MAST3: variants seen among roughly 807,000 people sequenced by gnomAD.
The protein encoded by MAST3 is microtubule-associated serine/threonine-protein kinase 3.
In MAST3, 43 loss-of-function variants were observed where a neutral mutation model predicts 127.0. The observed-to-expected ratio is 0.34, with a 90% CI of 0.27 to 0.44. The LOEUF (loss-of-function observed/expected upper bound fraction) is 0.44. Ranked by LOEUF, MAST3 falls within the 20% of genes least tolerant of loss-of-function variation. The pLI, the probability that MAST3 is intolerant of heterozygous loss-of-function variation, is 1.00. For synonymous variants in MAST3, 785 were observed against 809.2 expected, an observed-to-expected ratio of 0.97 and a Z score of 0.51; for missense variants, 1,390 against 1,919.1, an observed-to-expected ratio of 0.72 and a Z score of 5.15.
chr19:18,142,136 A>AC, intron 21 of MAST3, 121 bp downstream of exon 21: 1 of 1,118,970 alleles, frequency 8.9e-7, no homozygotes, highest in Non-Finnish European at 1.2e-6. Flanking sequence ...AAACATATTG[A>AC]CCAGCCTATC....
Position 18,112,532 on chromosome 19 carries a change from A to G in MAST3, c.161+1791A>G, listed in dbSNP as rs982299568. On this transcript the variant is annotated intron_variant, in intron 3 of 27. Coordinates refer to ENST00000687212, the MANE Select transcript of MAST3 (RefSeq NM_001393504.1). The surrounding 1 kb of genome is among the most constrained non-coding windows in gnomAD (Gnocchi z 4.1). Reference sequence around the variant, plus strand: ...GTATTTTCAGTAAAGATGGGGTTTCACCATGTTAGCTAGGCTGGTCTCGAG... The same window carrying G: ...GTATTTTCAGTAAAGATGGGGTTTCGCCATGTTAGCTAGGCTGGTCTCGAG... 7.0e-4 allele frequency among the ~76,000 whole-genome samples: 106 copies of G among 152,062 alleles called. 1 individual carries two copies. The highest frequency in any genetic ancestry group is 2.5e-3 in the African/African-American group (104 of 41,406).
At position 18,100,126 on chromosome 19, in the gene MAST3, C is replaced by CTTTTTTTTTTTT. The variant is rs201140700; in HGVS notation, c.39+2296_39+2297insTTTTTTTTTTTT. 2.1e-3 allele frequency among the ~76,000 whole-genome samples: 245 copies of CTTTTTTTTTTTT among 116,928 alleles called. 1 individual carries two copies. Among genetic ancestry groups the CTTTTTTTTTTTT allele is most frequent in the African/African-American group, 6.7e-3 (231 of 34,426 alleles). The allele number at this position is 116,928 out of a possible 152,430, so 76.7% of individuals were successfully genotyped here. ...GAGGCAGAAGGATCTCTCTCTCTCT[C>CTTTTTTTTTTTT]TCTTTTTTTTTTTTTTGAGAAAGAA... On this transcript the variant is annotated intron_variant, in intron 1 of 27. Transcript: ENST00000687212.
intron 21 of MAST3, among the ~76,000 whole-genome samples, chr19:18,143,257 C>A (rs2042702917): frequency 6.6e-6 from 1 of 151,968 alleles, no homozygotes; most frequent in Admixed American, 6.6e-5. Context: ...AGCCACTGCA[C>A]CCAGCCTGGA....
rs879078662 is a variant in MAST3 at position 18,137,153 on chromosome 19, G to A, written c.1973-86G>A. 2.6e-6 allele frequency: 4 copies of A among 1,520,328 alleles called. No homozygotes were observed. In the South Asian group the frequency reaches 4.9e-5, roughly 19 times the overall value. The allele number at this position is 1,520,328 out of a possible 1,614,324, so 94.2% of individuals were successfully genotyped here. On this transcript the variant is annotated intron_variant, in intron 18 of 27. Transcript: ENST00000687212. The stretch of plus-strand genomic sequence containing the variant: ...TCTGGTTCTGTGTTGTCCCTACTAT[G>A]TGTCCAGCATGGGCAGTGGGGGTAG...
intron 3 of MAST3, 45 bp from the exon 4 acceptor site, chr19:18,121,640 G>A (rs770134193): frequency 3.9e-6 from 6 of 1,547,006 alleles, no homozygotes; most frequent in African/African-American, 1.4e-5. Context: ...GGCTTAGCGC[G>A]GGGCCCTGGG....
In MAST3 at chr19:18,121,145, T is replaced by C. The variant is rs374954857; in HGVS notation, c.162-540T>C. Among the ~76,000 whole-genome samples the C allele has an allele frequency of 1.3e-4, 20 of 152,138 alleles. 1 individual carries two copies. The East Asian group carries it at 2.1e-3, about 16-fold the overall frequency. ...TGCTGGGATTACAGGGATGAGCCAC[T>C]GTGCCCAGCCTTGTTTTTGTTTTTT... is the stretch of plus-strand genomic sequence containing the variant. On this transcript the variant is annotated intron_variant, in intron 3 of 27. Transcript: ENST00000687212.
chr19:18,120,014 G>T (rs1003761823), intron 3 of MAST3, among the ~76,000 whole-genome samples: 1 of 152,138 alleles, frequency 6.6e-6, no homozygotes, highest in Non-Finnish European at 1.5e-5. Flanking sequence ...CTGGTGGGGC[G>T]GGGGACGGTG....
Position 18,145,272 on chromosome 19 carries a change from G to T in MAST3, c.3039+43G>T. 1 of 1,580,116 alleles carries T rather than the reference G, an allele frequency of 6.3e-7. No homozygotes were observed. The highest frequency in any genetic ancestry group is 1.1e-5 in the South Asian group (1 of 90,212). On this transcript the variant is annotated intron_variant, in intron 24 of 27. Coordinates refer to ENST00000687212, the MANE Select transcript of MAST3 (RefSeq NM_001393504.1). This position sits in a 1 kb window ranked among gnomAD's most constrained non-coding sequence, Gnocchi z 5.9. ...ATGGCAGGGACCCGGGTTCTAGTTT[G>T]ACTCTGCCCGGTCATGTCCCTTCTC...
intron 3 of MAST3, among the ~76,000 whole-genome samples, chr19:18,113,696 A>G (rs1474650495): frequency 6.6e-6 from 1 of 152,176 alleles, no homozygotes; most frequent in Non-Finnish European, 1.5e-5. Flanking sequence ...TCCTGACTTC[A>G]GGTGATCCAC....
chr19:18,143,958 C>T lies in MAST3; in HGVS notation c.2535C>T (p.Asp845=), dbSNP rs548789547. 2.9e-5 allele frequency: 46 copies of T among 1,601,900 alleles called. No homozygotes were observed. Among genetic ancestry groups the T allele is most frequent in the South Asian group, 1.7e-4 (15 of 89,338 alleles). The change falls in exon 22 of 28, where the codon GAC becomes GAT. Residue 845 remains aspartate (D), a synonymous_variant. Coordinates refer to ENST00000687212, the MANE Select transcript of MAST3 (RefSeq NM_001393504.1). ...CCGTCTTCATTCTAGGGGAGCCTGA[C>T]CCCCCACCAGCGGCCACCCCAGTGA... ...KRPVFILGEP[D]PPPAATPVMP...
rs548883004 is a variant in MAST3 at position 18,149,939 on chromosome 19, T to C, written c.*213T>C. ...CAAGAATGGGGGACAAGGGTGGCTT[T>C]GTAAATAGCAGCAAATCCCTGCAAC... On this transcript the variant is annotated 3_prime_UTR_variant, in exon 28 of 28. Transcript: ENST00000687212. This position sits in a 1 kb window ranked among gnomAD's most constrained non-coding sequence, Gnocchi z 5.9. 1 of 538,966 alleles carries C rather than the reference T, an allele frequency of 1.9e-6. No homozygotes were observed. Among genetic ancestry groups the C allele is most frequent in the South Asian group, 2.8e-5 (1 of 36,300 alleles). 33.4% of individuals were successfully genotyped at this position (538,966 alleles called of 1,614,324 possible). A position where few individuals can be genotyped will look rare whatever the true frequency, so the allele number is the denominator to read the frequency against.
intron 13 of MAST3, 93 bp from the exon 14 acceptor site, chr19:18,130,401 G>T: frequency 8.6e-7 from 1 of 1,161,304 alleles, no homozygotes; most frequent in Non-Finnish European, 1.2e-6. Context: ...ACAGGCAAAG[G>T]CCAGGCAGGT....
chr19:18,122,160 A>G lies in MAST3; in HGVS notation c.320+238A>G, dbSNP rs190119827. On this transcript the variant is annotated intron_variant, in intron 5 of 27. Transcript: ENST00000687212. ...CAACCAGCCCAGGGGGTGGGGGGTC[A>G]TGGGGGGATATAGCCCTAAGAATCA... is the stretch of plus-strand genomic sequence containing the variant. The G allele has an allele frequency of 8.6e-5, 84 of 981,278 alleles. No individual in the cohort carries two copies. The African/African-American group carries it at 1.4e-3, about 16-fold the overall frequency. 60.8% of individuals were successfully genotyped at this position (981,278 alleles called of 1,614,324 possible).
At chr19:18,141,377 C>CTTTTTTTTTTTTTTTT (rs370099564) in intron 20 of MAST3, among the ~76,000 whole-genome samples, 3 of 122,768 alleles carry the variant, frequency 2.4e-5, no homozygotes, top group African/African-American at 3.2e-5. Flanking sequence ...AGCCAGCTTT[C>CTTTTTTTTTTTTTTTT]TTTTTTTTTT....
At chr19:18,129,544 C>T (rs923275584) in intron 13 of MAST3, among the ~76,000 whole-genome samples, 1 of 152,158 alleles carries the variant, frequency 6.6e-6, no homozygotes, top group Admixed American at 6.6e-5. Context: ...TGCAGTTTCA[C>T]GAGTCTGCAA....
chr19:18,144,695 T>C lies in MAST3; in HGVS notation c.2812+2T>C. 1 of 1,606,040 alleles carries C rather than the reference T, an allele frequency of 6.2e-7. No individual in the cohort carries two copies. The highest frequency in any genetic ancestry group is 8.5e-7 in the Non-Finnish European group (1 of 1,179,750). Reference sequence around the variant, plus strand: ...CCCTGTCCCTCATCATCACGGCAGGTAATGCCCAAGGCCCCTCTCACCTTT... The same window carrying C: ...CCCTGTCCCTCATCATCACGGCAGGCAATGCCCAAGGCCCCTCTCACCTTT... On this transcript the variant is annotated splice_donor_variant, in intron 23 of 27. Transcript: ENST00000687212. LOFTEE classifies it high-confidence loss of function. This position sits in a 1 kb window ranked among gnomAD's most constrained non-coding sequence, Gnocchi z 4.0.
Position 18,139,032 on chromosome 19 carries a change from C to T in MAST3, c.2113C>T (p.Arg705Cys). The T allele has an allele frequency of 2.5e-6, 4 of 1,594,760 alleles. No homozygotes were observed. The South Asian group carries it at 3.4e-5, about 14-fold the overall frequency. ...TCCCACAGCACGTTCGGAACGTTAC[C>T]GCCATCTGGGCTCCGAGGACGACGA... is the stretch of plus-strand genomic sequence containing the variant. ...SYFDTRSERYRHLGSEDDETN... is the reference protein window; with the variant it reads ...SYFDTRSERYCHLGSEDDETN... The change falls in exon 20 of 28, where the codon CGC (arginine) becomes TGC (cysteine). Residue 705 changes from arginine to cysteine, a missense_variant. By Grantham distance (180) the Arg-to-Cys change is radical. Transcript: ENST00000687212.
intron 1 of MAST3, among the ~76,000 whole-genome samples, chr19:18,106,540 C>CTTAT (rs143547108): frequency 0.11 from 15,062 of 136,040 alleles, 1,059 homozygotes; most frequent in Non-Finnish European, 0.15. Context: ...CTTGGCCCTT[C>CTTAT]TTATTTATTT....
Position 18,145,943 on chromosome 19 carries a change from G to A in MAST3, c.3162+78G>A, listed in dbSNP as rs986841602. ...AGCTCCCGGTTCCCCGTGGTTCTCC[G>A]CGTCCAGACACACAACCCCACATTC... On this transcript the variant is annotated intron_variant, in intron 25 of 27. Coordinates refer to ENST00000687212, the MANE Select transcript of MAST3 (RefSeq NM_001393504.1). This position sits in a 1 kb window ranked among gnomAD's most constrained non-coding sequence, Gnocchi z 5.9. 50 of 1,469,868 alleles carry A rather than the reference G, an allele frequency of 3.4e-5. No individual in the cohort carries two copies. Among genetic ancestry groups the A allele is most frequent in the African/African-American group, 2.2e-4 (15 of 67,958 alleles). 91.1% of individuals were successfully genotyped at this position (1,469,868 alleles called of 1,614,324 possible).
Sources: allele counts gnomAD v4.1 joint callset (sites outside exome capture counted in the v4.1 genomes callset), GRCh38; gene constraint gnomAD v4.1.1; non-coding constraint Gnocchi (gnomAD v3.1); transcripts MANE v1.5; gene names NCBI Gene and HGNC (gene_info 2026-07-23, HGNC 2026-07-21).